THRB: variants seen among roughly 807,000 people sequenced by gnomAD.
THRB encodes the protein thyroid hormone receptor beta.
In THRB, 12 loss-of-function variants were observed where a neutral mutation model predicts 47.8. The observed-to-expected ratio is 0.25, with a 90% CI of 0.16 to 0.41. The LOEUF (loss-of-function observed/expected upper bound fraction) is 0.41, where lower values mean the gene tolerates loss of function less well. Among genes scored for constraint, THRB ranks in the 10% least tolerant of loss-of-function variants. The probability of loss-of-function intolerance (pLI) is 1.00; values close to 1 mark genes in which losing one functional copy is unlikely to be tolerated. For missense variants in THRB, 348 were observed against 589.2 expected, an observed-to-expected ratio of 0.59 and a Z score of 4.24; for synonymous variants, 218 against 212.2, an observed-to-expected ratio of 1.03 and a Z score of -0.24.
At chr3:24,204,252 C>G (rs1478483964) in intron 4 of THRB, among the ~76,000 whole-genome samples, 1 of 152,246 alleles carries the variant, frequency 6.6e-6, no homozygotes, top group Non-Finnish European at 1.5e-5. Context: ...GAGGCACCCC[C>G]CAGTAGGGGC....
intron 3 of THRB, among the ~76,000 whole-genome samples, chr3:24,261,520 CA>C (rs1207008580): frequency 6.7e-5 from 8 of 119,542 alleles, no homozygotes; most frequent in Non-Finnish European, 9.9e-5. Flanking sequence ...AAAAAAAAAC[CA>C]AAAAAAACTC....
chr3:24,220,676 A>G (rs1445329251), intron 4 of THRB, among the ~76,000 whole-genome samples: 2 of 152,200 alleles, frequency 1.3e-5, no homozygotes, highest in African/African-American at 4.8e-5. Context: ...TAATCTGACT[A>G]AATTTGCTGA....
rs1301281725 is a variant in THRB at position 24,168,546 on chromosome 3, T to C, written c.284-16056A>G. ...GTGACTTATAGAAAGTCCGCTTTAATAATTATGGGTGAAACTTTAGCATCA... is the reference window on the plus strand; with the variant it reads ...GTGACTTATAGAAAGTCCGCTTTAACAATTATGGGTGAAACTTTAGCATCA... On this transcript the variant is annotated intron_variant, in intron 5 of 10. Coordinates refer to ENST00000646209, the MANE Select transcript of THRB (RefSeq NM_001354712.2). Among the ~76,000 whole-genome samples the C allele has an allele frequency of 4.0e-5, 6 of 150,256 alleles. No homozygotes were observed. In the East Asian group the frequency reaches 1.2e-3, roughly 30 times the overall value.
At chr3:24,291,835 T>C (rs1198742530) in intron 3 of THRB, among the ~76,000 whole-genome samples, 1 of 152,148 alleles carries the variant, frequency 6.6e-6, no homozygotes, top group Non-Finnish European at 1.5e-5. Flanking sequence ...AAATTCCAAA[T>C]GTACATGCCT....
intron 1 of THRB, among the ~76,000 whole-genome samples, chr3:24,417,188 TA>T (rs1577415505): frequency 1.3e-5 from 2 of 151,686 alleles, no homozygotes; most frequent in African/African-American, 4.8e-5. Flanking sequence ...CCCCTATTAG[TA>T]AAGCACATTT....
At chr3:24,157,603 C>T (rs964187404) in intron 5 of THRB, among the ~76,000 whole-genome samples, 6 of 152,184 alleles carry the variant, frequency 3.9e-5, no homozygotes, top group African/African-American at 9.7e-5. Flanking sequence ...GACCATGGCT[C>T]ACTGGAGCCT....
At chr3:24,300,641 C>G (rs1449199269) in intron 2 of THRB, among the ~76,000 whole-genome samples, 1 of 152,110 alleles carries the variant, frequency 6.6e-6, no homozygotes, top group Non-Finnish European at 1.5e-5. Context: ...GTTCAAAGAC[C>G]ACAGGAATGT....
rs761030868 is a variant in THRB at position 24,146,733 on chromosome 3, T to C, written c.474A>G (p.Arg158=). 13 of 1,614,072 alleles carry C rather than the reference T, an allele frequency of 8.1e-6. No individual in the cohort carries two copies. Among genetic ancestry groups the C allele is most frequent in the Non-Finnish European group, 1.1e-5 (13 of 1,180,014 alleles). Reference sequence around the variant, plus strand: ...TAAAGCGACATTCCTGGCACTGATTTCGCGTGACTTTGTCTATGACACATT... The same window carrying C: ...TAAAGCGACATTCCTGGCACTGATTCCGCGTGACTTTGTCTATGACACATT... ...EGKCVIDKVT[R]NQCQECRFKK... Residue 158 remains arginine, a synonymous_variant, in exon 7 of 11, where the codon CGA becomes CGG. Transcript: ENST00000646209.
At chr3:24,409,301 AT>A (rs2068083444) in intron 1 of THRB, among the ~76,000 whole-genome samples, 1 of 151,864 alleles carries the variant, frequency 6.6e-6, no homozygotes, top group Admixed American at 6.6e-5. Context: ...TATGAAAGAT[AT>A]TTGGGTATCA....
chr3:24,486,121 C>A (rs1458122378), intron 1 of THRB, among the ~76,000 whole-genome samples: 1 of 152,144 alleles, frequency 6.6e-6, no homozygotes, highest in Non-Finnish European at 1.5e-5. Flanking sequence ...ATGGTCACAA[C>A]TGGAGGGTTG....
chr3:24,485,366 A>G (rs375444206), intron 1 of THRB, among the ~76,000 whole-genome samples: 1 of 152,212 alleles, frequency 6.6e-6, no homozygotes, highest in Non-Finnish European at 1.5e-5. Flanking sequence ...TAAATTAGAA[A>G]AATTTTGCCA....
chr3:24,240,822 G>C (rs572529959), intron 3 of THRB, among the ~76,000 whole-genome samples: 3 of 150,490 alleles, frequency 2.0e-5, no homozygotes, highest in Admixed American at 6.6e-5. Context: ...TACTTTCCAG[G>C]GCCCACATGT....
intron 1 of THRB, among the ~76,000 whole-genome samples, chr3:24,467,768 C>T (rs1287934560): frequency 7.2e-5 from 11 of 152,148 alleles, no homozygotes; most frequent in Non-Finnish European, 1.5e-5. Context: ...ATAGCCTAGG[C>T]AGAGTAGATT....
chr3:24,413,777 T>G (rs1237667980), intron 1 of THRB, among the ~76,000 whole-genome samples: 1 of 151,798 alleles, frequency 6.6e-6, no homozygotes, highest in Non-Finnish European at 1.5e-5. Flanking sequence ...CCAAGTGTTC[T>G]CGTTGTTCAA....
intron 2 of THRB, among the ~76,000 whole-genome samples, chr3:24,311,202 C>T (rs1312090690): frequency 1.3e-5 from 2 of 152,146 alleles, no homozygotes; most frequent in Non-Finnish European, 2.9e-5. Context: ...GCCACAATTA[C>T]TTTGTCCAAA....
At chr3:24,417,933 T>C (rs1411313887) in intron 1 of THRB, among the ~76,000 whole-genome samples, 4 of 151,748 alleles carry the variant, frequency 2.6e-5, no homozygotes, top group African/African-American at 7.3e-5. Context: ...AGTGGCAGAG[T>C]CACATTCAAA....
intron 1 of THRB, among the ~76,000 whole-genome samples, chr3:24,473,277 G>T (rs546968090): frequency 6.6e-6 from 1 of 152,028 alleles, no homozygotes; most frequent in African/African-American, 2.4e-5. Flanking sequence ...GCATTTATTC[G>T]TAGTCTCAGG....
intron 1 of THRB, among the ~76,000 whole-genome samples, chr3:24,438,044 A>C (rs550731161): frequency 2.6e-4 from 39 of 151,262 alleles, no homozygotes; most frequent in Non-Finnish European, 2.2e-4. Flanking sequence ...GCACTATCTC[A>C]TTTGGTCTTC....
chr3:24,326,756 C>CTTTTTT lies in THRB; in HGVS notation c.-189+10538_-189+10543dup, dbSNP rs1174687260. The stretch of plus-strand genomic sequence containing the variant: ...TTCACTAGAAGCTGTCCAGTCTTGT[C>CTTTTTT]TTTTTTTTTTTTTTTTTTTTTTTTT... On this transcript the variant is annotated intron_variant, in intron 2 of 10. Transcript: ENST00000646209. Among the ~76,000 whole-genome samples, 7 of 50,004 alleles carry CTTTTTT rather than the reference C, an allele frequency of 1.4e-4. 1 individual carries two copies. The highest frequency in any genetic ancestry group is 6.2e-4 in the African/African-American group (6 of 9,648). The allele number at this position is 50,004 out of a possible 152,430, so 32.8% of individuals were successfully genotyped here.
Sources: gnomAD v4.1 joint callset for allele counts (sites outside exome capture counted in the v4.1 genomes callset) on GRCh38, gnomAD v4.1.1 for gene constraint, MANE v1.5 for transcripts, NCBI Gene and HGNC (gene_info 2026-07-23, HGNC 2026-07-21) for gene names.